Variants in APBB2 observed in about 807,000 individuals in gnomAD.
APBB2 encodes Fe65-like 1.
A neutral mutation model predicts 82.5 loss-of-function variants in APBB2; 38 were observed. The ratio of observed to expected loss-of-function variants is 0.46; its 90% CI spans 0.36 to 0.60. The LOEUF (loss-of-function observed/expected upper bound fraction) is 0.60. Among genes scored for constraint, APBB2 ranks in the 20% least tolerant of loss-of-function variants. APBB2 has a pLI of 0.00. For synonymous variants in APBB2, 341 were observed against 368.2 expected (o/e 0.93, Z 0.85); for missense variants, 772 against 972.3 (o/e 0.79, Z 2.74).
intron 3 of APBB2, among the ~76,000 whole-genome samples, chr4:41,075,996 C>T (rs1560686519): frequency 1.3e-5 from 2 of 152,152 alleles, no homozygotes; most frequent in African/African-American, 4.8e-5. Flanking sequence ...TAGATTACAA[C>T]CCGGTGCTTA....
At chr4:40,978,600 T>C (rs1006451380) in intron 6 of APBB2, among the ~76,000 whole-genome samples, 55 of 152,314 alleles carry the variant, frequency 3.6e-4, no homozygotes, top group African/African-American at 1.2e-3. Flanking sequence ...GAAAATTACT[T>C]AACAAATGTC....
At chr4:41,021,845 T>C (rs1452837673) in intron 5 of APBB2, among the ~76,000 whole-genome samples, 2 of 152,196 alleles carry the variant, frequency 1.3e-5, no homozygotes, top group Non-Finnish European at 2.9e-5. Context: ...TGTGAGGGTC[T>C]GTGGCTTCAT....
chr4:41,114,735 G>T (rs1750385257), intron 2 of APBB2, among the ~76,000 whole-genome samples: 1 of 152,026 alleles, frequency 6.6e-6, no homozygotes, highest in Non-Finnish European at 1.5e-5. Flanking sequence ...GCTACAAAAA[G>T]AATAAAATAC....
At chr4:41,086,942 ACAC>A (rs551135657) in intron 3 of APBB2, among the ~76,000 whole-genome samples, 29 of 148,006 alleles carry the variant, frequency 2.0e-4, no homozygotes, top group African/African-American at 6.6e-4. Context: ...ACACACACAC[ACAC>A]ACACAAAAAA....
intron 3 of APBB2, among the ~76,000 whole-genome samples, chr4:41,068,545 C>T (rs1211530123): frequency 4.6e-5 from 7 of 151,982 alleles, no homozygotes; most frequent in Admixed American, 4.6e-4. Context: ...GCAAGCAATC[C>T]CCCCAAATTA....
At position 40,913,126 on chromosome 4, in the gene APBB2, C is replaced by T. The variant is rs940362783; in HGVS notation, c.1255-19715G>A. 5.9e-5 allele frequency among the ~76,000 whole-genome samples: 9 copies of T among 152,138 alleles called. No homozygotes were observed. The South Asian group carries it at 6.2e-4, about 11-fold the overall frequency. On this transcript the variant is annotated intron_variant, in intron 10 of 17. Coordinates refer to ENST00000508593, the MANE Select transcript of APBB2 (RefSeq NM_004307.2). ...TCGCTGGGAAATGAGCTCTAGGCCA[C>T]GTGAGCTCTAGGGGAAACGCTGATC... is the stretch of plus-strand genomic sequence containing the variant.
intron 10 of APBB2, among the ~76,000 whole-genome samples, chr4:40,918,109 T>A (rs1205604469): frequency 6.6e-6 from 1 of 152,244 alleles, no homozygotes. Flanking sequence ...CACAATATTA[T>A]GAATATTTTC....
At chr4:40,983,219 C>G (rs1799578972) in intron 6 of APBB2, among the ~76,000 whole-genome samples, 1 of 152,154 alleles carries the variant, frequency 6.6e-6, no homozygotes, top group South Asian at 2.1e-4. Context: ...AATGGTGGTG[C>G]TGGGATTCAA....
At chr4:40,914,442 C>T (rs1293496978) in intron 10 of APBB2, among the ~76,000 whole-genome samples, 2 of 152,176 alleles carry the variant, frequency 1.3e-5, no homozygotes, top group Non-Finnish European at 2.9e-5. Context: ...GTCCCAGCTA[C>T]TCCGGAGGCT....
chr4:41,207,382 T>G (rs1778232413), intron 1 of APBB2, among the ~76,000 whole-genome samples: 1 of 152,168 alleles, frequency 6.6e-6, no homozygotes, highest in South Asian at 2.1e-4. Flanking sequence ...TGCAGAGGTC[T>G]GGGCCAAGCT....
At chr4:40,943,590 C>T (rs373854122) in intron 7 of APBB2, among the ~76,000 whole-genome samples, 5 of 152,142 alleles carry the variant, frequency 3.3e-5, no homozygotes, top group Non-Finnish European at 5.9e-5. Flanking sequence ...AGGGCTGAGA[C>T]GGTGTTGGTT....
At chr4:40,922,057 C>A (rs921218844) in intron 10 of APBB2, among the ~76,000 whole-genome samples, 1 of 152,184 alleles carries the variant, frequency 6.6e-6, no homozygotes, top group African/African-American at 2.4e-5. Flanking sequence ...TGTGTGGATT[C>A]AACAACTAAA....
chr4:40,852,726 C>T (rs1053856511), intron 12 of APBB2, among the ~76,000 whole-genome samples: 25 of 152,092 alleles, frequency 1.6e-4, no homozygotes, highest in African/African-American at 5.8e-4. Context: ...CTGCAACCTC[C>T]ATCTCCCAGG....
intron 5 of APBB2, among the ~76,000 whole-genome samples, chr4:41,021,684 G>A (rs1463234780): frequency 6.6e-6 from 1 of 152,286 alleles, no homozygotes; most frequent in African/African-American, 2.4e-5. Context: ...GGCCAAATAA[G>A]GGAATAAAAG....
chr4:41,212,215 T>C (rs905304533), intron 1 of APBB2, among the ~76,000 whole-genome samples: 8 of 152,212 alleles, frequency 5.3e-5, no homozygotes, highest in Non-Finnish European at 1.2e-4. Context: ...AGTTTAAAAA[T>C]ATTTTATGTT....
intron 12 of APBB2, among the ~76,000 whole-genome samples, chr4:40,888,520 G>A (rs1379572489): frequency 3.4e-5 from 5 of 148,030 alleles, no homozygotes; most frequent in East Asian, 4.1e-4. Context: ...CCTCGCACAA[G>A]TATGTAATGT....
intron 1 of APBB2, among the ~76,000 whole-genome samples, chr4:41,213,679 AC>A (rs1779888771): frequency 6.6e-6 from 1 of 152,088 alleles, no homozygotes; most frequent in South Asian, 2.1e-4. Flanking sequence ...TTTCTAGCGT[AC>A]CACCCTCCAT....
chr4:41,109,603 C>A (rs1376565790), intron 2 of APBB2, among the ~76,000 whole-genome samples: 2 of 152,016 alleles, frequency 1.3e-5, no homozygotes, highest in Non-Finnish European at 2.9e-5. Flanking sequence ...CCCGAGTAGC[C>A]GGGATTACAG....
chr4:40,855,735 C>CA lies in APBB2; in HGVS notation c.1530-25159dup, dbSNP rs33994756. ...TGGGTGACAGAGAGGGACTCTGTCTCAAAAAAAAAAACAAAAAAAAGGAAG... is the reference window on the plus strand; with the variant it reads ...TGGGTGACAGAGAGGGACTCTGTCTCAAAAAAAAAAAACAAAAAAAAGGAAG... On this transcript the variant is annotated intron_variant, in intron 12 of 17. Transcript: ENST00000508593. 2.4e-3 allele frequency among the ~76,000 whole-genome samples: 354 copies of CA among 146,048 alleles called. 2 individuals carry two copies. Among genetic ancestry groups the CA allele is most frequent in the African/African-American group, 5.5e-3 (221 of 40,142 alleles).
Sources: allele counts gnomAD v4.1 joint callset (sites outside exome capture counted in the v4.1 genomes callset), GRCh38; gene constraint gnomAD v4.1.1; transcripts MANE v1.5; gene names NCBI Gene and HGNC (gene_info 2026-07-23, HGNC 2026-07-21).